ZBTB20: variants seen among roughly 807,000 people sequenced by gnomAD.
ZBTB20 encodes the protein zinc finger and BTB domain-containing protein 20.
A neutral mutation model predicts 56.9 loss-of-function variants in ZBTB20; 9 were observed. The observed-to-expected ratio is 0.16, with a 90% CI of 0.10 to 0.28. ZBTB20 has a LOEUF of 0.28. Ranked by LOEUF, ZBTB20 falls within the 10% of genes least tolerant of loss-of-function variation. ZBTB20 has a pLI of 1.00. For synonymous variants in ZBTB20, 417 were observed against 420.7 expected, an observed-to-expected ratio of 0.99 and a Z score of 0.11; for missense variants, 655 against 1,003.0, an observed-to-expected ratio of 0.65 and a Z score of 4.69.
At chr3:114,956,089 A>G (rs1206196328) in intron 3 of ZBTB20, among the ~76,000 whole-genome samples, 1 of 152,158 alleles carries the variant, frequency 6.6e-6, no homozygotes, top group Non-Finnish European at 1.5e-5. Context: ...GACAAGATAA[A>G]CACATGCTAT....
chr3:114,424,486 C>T (rs1389420755), intron 7 of ZBTB20, among the ~76,000 whole-genome samples: 2 of 152,154 alleles, frequency 1.3e-5, no homozygotes. Flanking sequence ...GTAATGCACG[C>T]CAAAAAGAAG....
intron 6 of ZBTB20, among the ~76,000 whole-genome samples, chr3:114,589,335 C>T (rs2055506558): frequency 6.6e-6 from 1 of 152,126 alleles, no homozygotes; most frequent in Non-Finnish European, 1.5e-5. Flanking sequence ...TCCCTTTCTC[C>T]TCACCCAACA....
At chr3:114,785,955 A>C (rs1453905021) in intron 5 of ZBTB20, among the ~76,000 whole-genome samples, 2 of 152,108 alleles carry the variant, frequency 1.3e-5, no homozygotes, top group Admixed American at 6.6e-5. Context: ...AGCTCCTGGC[A>C]ATCACCATTT....
rs912445184 is a variant in ZBTB20, at chr3:114,315,426, A to G, written c.*23579T>C. On this transcript the variant is annotated 3_prime_UTR_variant, in exon 12 of 12. Coordinates refer to ENST00000675478, the MANE Select transcript of ZBTB20 (RefSeq NM_001348800.3). ...ATTCACTGGGAAATGGAAACTGCAT[A>G]AACAGTGACACACAGACACTGGAAA... is the stretch of plus-strand genomic sequence containing the variant. 2 of 152,218 alleles carry G rather than the reference A, an allele frequency of 1.3e-5. No individual in the cohort carries two copies. Among genetic ancestry groups the G allele is most frequent in the African/African-American group, 4.8e-5 (2 of 41,454 alleles). 9.4% of individuals were successfully genotyped at this position (152,218 alleles called of 1,614,324 possible).
intron 3 of ZBTB20, among the ~76,000 whole-genome samples, chr3:114,908,763 A>G (rs114440766): frequency 1.3e-5 from 2 of 152,100 alleles, no homozygotes; most frequent in Non-Finnish European, 2.9e-5. Flanking sequence ...GATTTGATAA[A>G]TATACAGAGA....
intron 5 of ZBTB20, among the ~76,000 whole-genome samples, chr3:114,751,231 G>A (rs1344391912): frequency 5.9e-5 from 9 of 151,972 alleles, no homozygotes; most frequent in Non-Finnish European, 1.2e-4. Flanking sequence ...TCTGTTGTTC[G>A]CAGGTATCAG....
intron 2 of ZBTB20, among the ~76,000 whole-genome samples, chr3:115,060,485 C>A (rs1286878128): frequency 6.6e-6 from 1 of 152,098 alleles, no homozygotes; most frequent in Non-Finnish European, 1.5e-5. Flanking sequence ...TCTTAAGATA[C>A]TCATCACAGG....
chr3:114,882,488 T>C (rs1284929635), intron 4 of ZBTB20, among the ~76,000 whole-genome samples: 2 of 152,072 alleles, frequency 1.3e-5, no homozygotes, highest in Non-Finnish European at 2.9e-5. Flanking sequence ...AGCTGTTTTG[T>C]AATATTTTTA....
At chr3:114,385,379 C>T (rs2084976479) in intron 8 of ZBTB20, among the ~76,000 whole-genome samples, 1 of 152,096 alleles carries the variant, frequency 6.6e-6, no homozygotes, top group Non-Finnish European at 1.5e-5. Flanking sequence ...TAGATTACTC[C>T]GCATCTCTGA....
At chr3:114,401,809 A>T (rs2693057) in intron 7 of ZBTB20, among the ~76,000 whole-genome samples, 152,248 of 152,266 alleles carry the variant, frequency 1, 76,115 homozygotes, top group Middle Eastern at 1. Flanking sequence ...CAAAGGTAGG[A>T]TTTTCTTTAA....
At position 114,801,180 on chromosome 3, in the gene ZBTB20, A is replaced by T. The variant is rs2071678527; in HGVS notation, c.-416-6T>A. On this transcript the variant is annotated splice_region_variant and splice_polypyrimidine_tract_variant and intron_variant, in intron 4 of 11. Transcript: ENST00000675478. ...TAAATGTAACTTCAGGCAGTCTGAAAAGAAACAGGTTAAAATCTCTTTCAG... is the reference window on the plus strand; with the variant it reads ...TAAATGTAACTTCAGGCAGTCTGAATAGAAACAGGTTAAAATCTCTTTCAG... 2 of 152,234 alleles carry T rather than the reference A, an allele frequency of 1.3e-5. No homozygotes were observed. The allele number at this position is 152,234 out of a possible 1,614,324, so 9.4% of individuals were successfully genotyped here. A position where few individuals can be genotyped will look rare whatever the true frequency, so the allele number is the denominator to read the frequency against.
chr3:115,083,866 A>T (rs1035928539), intron 1 of ZBTB20, among the ~76,000 whole-genome samples: 2 of 151,958 alleles, frequency 1.3e-5, no homozygotes, highest in Admixed American at 1.3e-4. Context: ...AATATTTTTG[A>T]AATAGCATTA....
At chr3:114,415,540 C>G (rs1443243370) in intron 7 of ZBTB20, among the ~76,000 whole-genome samples, 4 of 152,080 alleles carry the variant, frequency 2.6e-5, no homozygotes, top group African/African-American at 9.7e-5. Context: ...TCGGTTAGAA[C>G]ATAGGTTTAA....
intron 5 of ZBTB20, among the ~76,000 whole-genome samples, chr3:114,762,651 G>A (rs947640557): frequency 7.2e-5 from 11 of 152,248 alleles, no homozygotes; most frequent in African/African-American, 2.6e-4. Flanking sequence ...TTTTGTATGG[G>A]AAAACCAGCA....
At chr3:115,061,995 A>C (rs2082029100) in intron 2 of ZBTB20, among the ~76,000 whole-genome samples, 1 of 152,208 alleles carries the variant, frequency 6.6e-6, no homozygotes, top group Admixed American at 6.5e-5. Context: ...ATATAATCCA[A>C]TCTACATTAA....
chr3:115,011,298 G>A (rs759815026), intron 2 of ZBTB20, among the ~76,000 whole-genome samples: 12 of 151,764 alleles, frequency 7.9e-5, no homozygotes, highest in Admixed American at 1.3e-4. Context: ...TTCCAAGTAC[G>A]AGAAGGTTAT....
chr3:114,651,170 T>A (rs2060109313), intron 6 of ZBTB20, among the ~76,000 whole-genome samples: 1 of 152,110 alleles, frequency 6.6e-6, no homozygotes, highest in Non-Finnish European at 1.5e-5. Flanking sequence ...TGTGCACTTG[T>A]CTACATTTCA....
chr3:114,423,094 T>C (rs1025557814), intron 7 of ZBTB20, among the ~76,000 whole-genome samples: 1 of 152,202 alleles, frequency 6.6e-6, no homozygotes, highest in African/African-American at 2.4e-5. Flanking sequence ...AAATCAAATA[T>C]GGCATTCTCA....
At chr3:114,703,830 A>C (rs554174113) in intron 5 of ZBTB20, among the ~76,000 whole-genome samples, 2 of 152,316 alleles carry the variant, frequency 1.3e-5, no homozygotes, top group Admixed American at 6.5e-5. Flanking sequence ...GGCTTGTAGA[A>C]AATACTGTAG....
Sources: gnomAD v4.1 joint callset for allele counts (sites outside exome capture counted in the v4.1 genomes callset) on GRCh38, gnomAD v4.1.1 for gene constraint, MANE v1.5 for transcripts, NCBI Gene and HGNC (gene_info 2026-07-23, HGNC 2026-07-21) for gene names.